Variants in DHX37 observed in about 807,000 individuals in gnomAD.
The protein encoded by DHX37 is DEAH-box helicase 37, also known as probable ATP-dependent RNA helicase DHX37.
In DHX37, 52 loss-of-function variants were observed where a neutral mutation model predicts 134.3. The ratio of observed to expected loss-of-function variants is 0.39; its 90% confidence interval spans 0.31 to 0.49. The LOEUF is 0.49. DHX37 is among the 20% of genes least tolerant of loss of function. The pLI is 0.93. For synonymous variants in DHX37, 634 were observed against 670.7 expected (o/e 0.95, Z 0.85); for missense variants, 1,344 against 1,580.8 (o/e 0.85, Z 2.54).
At position 124,962,258 on chromosome 12, in the gene DHX37, G is replaced by A. The variant is rs377204944; in HGVS notation, c.2046-1835C>T. The stretch of plus-strand genomic sequence containing the variant: ...AATATTAAAAATAAGTGTTGGTGCT[G>A]GCCAGGCGTGGTGGTTCATGCCTAT... On this transcript the variant is annotated intron_variant, in intron 15 of 26. Transcript: ENST00000308736. Among the ~76,000 whole-genome samples the A allele has an allele frequency of 7.9e-5, 12 of 152,298 alleles. No individual in the cohort carries two copies. The South Asian group carries it at 2.5e-3, about 32-fold the overall frequency.
rs374212135 is a variant in DHX37, at chr12:124,967,178, A to G, written c.1449T>C (p.His483=). ...CCTTCCTGAGCCTGCGGCACAGCGCATGCACCTCAGCCTGCCCCGTCAGGA... is the reference window on the plus strand; with the variant it reads ...CCTTCCTGAGCCTGCGGCACAGCGCGTGCACCTCAGCCTGCCCCGTCAGGA... The part of the protein sequence containing the change: ...LVFLTGQAEV[H]ALCRRLRKAF... Residue 483 remains histidine, a synonymous_variant, in exon 11 of 27, where the codon CAT becomes CAC. Transcript: ENST00000308736. 10 of 1,613,712 alleles carry G rather than the reference A, an allele frequency of 6.2e-6. No individual in the cohort carries two copies. Among genetic ancestry groups the G allele is most frequent in the African/African-American group, 4.0e-5 (3 of 74,934 alleles).
chr12:124,950,230 C>T lies in DHX37; in HGVS notation c.3135G>A (p.Trp1045Ter). 2 of 1,613,718 alleles carry T rather than the reference C, an allele frequency of 1.2e-6. No homozygotes were observed. The highest frequency in any genetic ancestry group is 2.2e-5 in the East Asian group (1 of 44,884). The change falls in exon 24 of 27, where the codon TGG (tryptophan) becomes TGA (stop). Residue 1045 changes from tryptophan (W) to a stop codon, truncating the protein, a stop_gained. Transcript: ENST00000308736. LOFTEE classifies it high-confidence loss of function. ...HRASVFYRVG[W>*]PLPAIEVDFP... The stretch of plus-strand genomic sequence containing the variant: ...AATCCACCTCGATGGCGGGGAGCGG[C>T]CAGCCCACGCGATCTAGAAGGTGGG...
chr12:124,988,739 A>G (rs1834560555), intron 1 of DHX37, among the ~76,000 whole-genome samples, 178 bp downstream of exon 1: 1 of 151,918 alleles, frequency 6.6e-6, no homozygotes, highest in African/African-American at 2.4e-5. Context: ...ATACACTGTT[A>G]AAACTAGGCT....
At chr12:124,986,411 A>C in intron 1 of DHX37, 146 bp from the exon 2 acceptor site, 1 of 928,442 alleles carries the variant, frequency 1.1e-6, no homozygotes, top group Non-Finnish European at 1.6e-6. Flanking sequence ...TTTCATAACA[A>C]TACTATGATG....
At chr12:124,963,008 G>C (rs1380644596) in intron 15 of DHX37, among the ~76,000 whole-genome samples, 2 of 152,192 alleles carry the variant, frequency 1.3e-5, no homozygotes, top group Non-Finnish European at 2.9e-5. Context: ...AGGTTCCACT[G>C]CAAGAGCAAT....
Position 124,950,508 on chromosome 12 carries a change from G to A in DHX37, c.3026C>T (p.Pro1009Leu). Reference sequence around the variant, plus strand: ...GGGCTTGTCAAACTGGCAGTAAGAGGGCAGCAGGGCCGGGATCCACTGGAC... The same window carrying A: ...GGGCTTGTCAAACTGGCAGTAAGAGAGCAGCAGGGCCGGGATCCACTGGAC... ...VEVQWIPALL[P>L]SYCQFDKPLE... The change falls in exon 23 of 27, where the codon CCC (proline) becomes CTC (leucine). Residue 1009 changes from proline (P) to leucine (L), a missense_variant. By Grantham distance (98) the Pro-to-Leu change is moderately conservative. Transcript: ENST00000308736. 1 of 1,567,928 alleles carries A rather than the reference G, an allele frequency of 6.4e-7. No individual in the cohort carries two copies. Among genetic ancestry groups the A allele is most frequent in the South Asian group, 1.2e-5 (1 of 84,374 alleles).
At chr12:124,964,871 C>A in intron 14 of DHX37, 59 bp downstream of exon 14, 1 of 1,524,876 alleles carries the variant, frequency 6.6e-7, no homozygotes, top group Non-Finnish European at 8.9e-7. Context: ...GCTTGACCAA[C>A]CCCACTGTAA....
Position 124,980,856 on chromosome 12 carries a change from A to C in DHX37, c.390-18T>G, listed in dbSNP as rs1042291037. 3.2e-6 allele frequency: 5 copies of C among 1,542,678 alleles called. No individual in the cohort carries two copies. The Admixed American group carries it at 7.8e-5, about 24-fold the overall frequency. ...CAGCCTTCCTGTTGAGATAGCAGAGACTTCAGGCACAGAGGCCCCACCTCA... is the reference window on the plus strand; with the variant it reads ...CAGCCTTCCTGTTGAGATAGCAGAGCCTTCAGGCACAGAGGCCCCACCTCA... On this transcript the variant is annotated intron_variant, in intron 3 of 26. Transcript: ENST00000308736. This position sits in a 1 kb window ranked among gnomAD's most constrained non-coding sequence, Gnocchi z 5.3.
intron 13 of DHX37, 151 bp from the exon 14 acceptor site, chr12:124,965,157 A>T: frequency 3.6e-6 from 3 of 838,826 alleles, no homozygotes; most frequent in Non-Finnish European, 5.5e-6. Context: ...CAGCCAGGCC[A>T]AGCCTGGGGG....
In DHX37 at chr12:124,986,137, C is replaced by A. The variant is rs1242352045; in HGVS notation, c.235G>T (p.Val79Leu). ...KKPLTKKEKKVLQKILEQKEK... is the reference protein window; with the variant it reads ...KKPLTKKEKKLLQKILEQKEK... ...TTCTGTTCTAAGATTTTCTGCAGCA[C>A]TTTCTTCTCCTTCTTGGTCAGAGGC... is the stretch of plus-strand genomic sequence containing the variant. Residue 79 changes from valine (V) to leucine (L), a missense_variant, in exon 2 of 27, where the codon GTG becomes TTG. By Grantham distance (32) the Val-to-Leu change is conservative. Coordinates refer to ENST00000308736, the MANE Select transcript of DHX37 (RefSeq NM_032656.4). The A allele has an allele frequency of 7.4e-6, 12 of 1,614,086 alleles. No homozygotes were observed. Among genetic ancestry groups the A allele is most frequent in the African/African-American group, 1.3e-5 (1 of 74,936 alleles).
At chr12:124,966,506 G>A (rs1476637292) in intron 12 of DHX37, among the ~76,000 whole-genome samples, 5 of 152,182 alleles carry the variant, frequency 3.3e-5, no homozygotes, top group African/African-American at 9.7e-5. Flanking sequence ...GGGACCACAG[G>A]CATGCGCCAC....
chr12:124,982,751 A>G (rs1594512814), intron 2 of DHX37, 128 bp from the exon 3 acceptor site: 3 of 1,285,866 alleles, frequency 2.3e-6, no homozygotes, highest in South Asian at 1.4e-5. Flanking sequence ...TCAAATTGCA[A>G]TTCTACTGGT....
chr12:124,976,510 A>T (rs988912856), intron 5 of DHX37, among the ~76,000 whole-genome samples: 3 of 151,888 alleles, frequency 2.0e-5, no homozygotes, highest in African/African-American at 7.3e-5. Flanking sequence ...TCAGGAGTTC[A>T]AGACCAGCCT....
chr12:124,974,090 A>G (rs756015957), intron 6 of DHX37, among the ~76,000 whole-genome samples: 72 of 151,388 alleles, frequency 4.8e-4, no homozygotes, highest in Non-Finnish European at 9.9e-4. Flanking sequence ...AGTAGCTGGC[A>G]TTACAGGCAC....
Position 124,964,924 on chromosome 12 carries a change from G to A in DHX37, c.1812+6C>T, listed in dbSNP as rs73229567. 0.095 allele frequency: 151,243 copies of A among 1,586,424 alleles called. 7,520 individuals carry two copies. The highest frequency in any genetic ancestry group is 0.11 in the South Asian group (9,711 of 86,514). On this transcript the variant is annotated splice_donor_region_variant and intron_variant, in intron 14 of 26. Transcript: ENST00000308736. Reference sequence around the variant, plus strand: ...CAAAAGCTGGGCACCGGCCCAGCACGGTTACCTGTGCTTGCTTCTCTGGGG... The same window carrying A: ...CAAAAGCTGGGCACCGGCCCAGCACAGTTACCTGTGCTTGCTTCTCTGGGG...
chr12:124,962,991 T>C (rs1954298051), intron 15 of DHX37, among the ~76,000 whole-genome samples: 1 of 152,154 alleles, frequency 6.6e-6, no homozygotes. Context: ...GGCCCAGCGG[T>C]TCTCTTAGGT....
rs199952561 is a variant in DHX37, at chr12:124,949,971, C to T, written c.3290+15G>A. ...CCCCTCCTGCCCACTGCGAGGCTCCCACCGAAGGCAGTACCTGGCCCACGT... is the reference window on the plus strand; with the variant it reads ...CCCCTCCTGCCCACTGCGAGGCTCCTACCGAAGGCAGTACCTGGCCCACGT... On this transcript the variant is annotated intron_variant, in intron 25 of 26. Coordinates refer to ENST00000308736, the MANE Select transcript of DHX37 (RefSeq NM_032656.4). This position sits in a 1 kb window ranked among gnomAD's most constrained non-coding sequence, Gnocchi z 4.0. 8.0e-5 allele frequency: 128 copies of T among 1,601,578 alleles called. 1 individual carries two copies. In the African/African-American group the frequency reaches 1.1e-3, roughly 14 times the overall value.
In DHX37 at chr12:124,986,008, C is replaced by T. The variant is rs982593863; in HGVS notation, c.276+88G>A. The T allele has an allele frequency of 2.3e-4, 353 of 1,532,492 alleles. 2 individuals are homozygous for T. Among genetic ancestry groups the T allele is most frequent in the South Asian group, 1.1e-3 (88 of 83,446 alleles). The allele number at this position is 1,532,492 out of a possible 1,614,324, so 94.9% of individuals were successfully genotyped here. On this transcript the variant is annotated intron_variant, in intron 2 of 26. Transcript: ENST00000308736. ...ATTCCAGAAAGTTCTATTAGTTGCACCACAGAGACACCCTCAGGAGGAGAG... is the reference window on the plus strand; with the variant it reads ...ATTCCAGAAAGTTCTATTAGTTGCATCACAGAGACACCCTCAGGAGGAGAG...
At chr12:124,958,111 C>T (rs1478181583) in intron 16 of DHX37, among the ~76,000 whole-genome samples, 1 of 152,218 alleles carries the variant, frequency 6.6e-6, no homozygotes, top group Non-Finnish European at 1.5e-5. Context: ...ATAAAGGGTA[C>T]ATGCTTCCTT....
Sources: allele counts gnomAD v4.1 joint callset (sites outside exome capture counted in the v4.1 genomes callset), GRCh38; gene constraint gnomAD v4.1.1; non-coding constraint Gnocchi (gnomAD v3.1); transcripts MANE v1.5; gene names NCBI Gene and HGNC (gene_info 2026-07-23, HGNC 2026-07-21).